Variants in FIGN observed in about 807,000 individuals in gnomAD.
FIGN encodes the protein fidgetin.
Under a neutral mutation model 51.3 loss-of-function variants are expected in FIGN, and 11 were observed. That is an observed-to-expected ratio of 0.21 (90% CI 0.13 to 0.35). The LOEUF (loss-of-function observed/expected upper bound fraction) is 0.35, where lower values mean the gene tolerates loss of function less well. FIGN is among the 10% of genes least tolerant of loss of function. The pLI is 1.00. For synonymous variants in FIGN, 407 were observed against 363.2 expected (o/e 1.12, Z -1.37); for missense variants, 857 against 943.6 (o/e 0.91, Z 1.20).
chr2:163,699,720 A>G lies in FIGN; in HGVS notation c.25+35183T>C, dbSNP rs148432157. Among the ~76,000 whole-genome samples the G allele has an allele frequency of 7.4e-4, 113 of 152,320 alleles. 1 individual carries two copies. The highest frequency in any genetic ancestry group is 2.5e-3 in the African/African-American group (102 of 41,578). On this transcript the variant is annotated intron_variant, in intron 2 of 2. Transcript: ENST00000333129. ...ACTAGCTTAAGAAAGGAATCTTAAT[A>G]GAATCTGTAGTGAATTTTTGAATAG...
At position 163,626,126 on chromosome 2, in the gene FIGN, C is replaced by G. The variant is rs1025886712; in HGVS notation, c.26-14320G>C. On this transcript the variant is annotated intron_variant, in intron 2 of 2. Transcript: ENST00000333129. ...ATAGGGCCATGAGAACCAAGACTGT[C>G]AAATTAATGACTTGTTTCATCTGAT... is the stretch of plus-strand genomic sequence containing the variant. Among the ~76,000 whole-genome samples, 33 of 152,112 alleles carry G rather than the reference C, an allele frequency of 2.2e-4. 1 individual carries two copies. The highest frequency in any genetic ancestry group is 8.0e-4 in the African/African-American group (33 of 41,438).
chr2:163,693,324 G>C (rs1684267065), intron 2 of FIGN, among the ~76,000 whole-genome samples: 3 of 152,134 alleles, frequency 2.0e-5, no homozygotes, highest in Non-Finnish European at 4.4e-5. Flanking sequence ...TGAGGAGCAA[G>C]GGGTTGGATC....
At chr2:163,683,233 C>T (rs935862240) in intron 2 of FIGN, among the ~76,000 whole-genome samples, 3 of 152,070 alleles carry the variant, frequency 2.0e-5, no homozygotes, top group Admixed American at 6.5e-5. Flanking sequence ...CTCTTCTACT[C>T]GTAAAGTGTT....
At chr2:163,689,079 A>C (rs1684198068) in intron 2 of FIGN, among the ~76,000 whole-genome samples, 1 of 151,866 alleles carries the variant, frequency 6.6e-6, no homozygotes, top group African/African-American at 2.4e-5. Flanking sequence ...TGCAACACTT[A>C]AGCCTAGGAG....
At chr2:163,727,335 T>C (rs923055632) in intron 2 of FIGN, among the ~76,000 whole-genome samples, 1 of 151,708 alleles carries the variant, frequency 6.6e-6, no homozygotes, top group Non-Finnish European at 1.5e-5. Context: ...AAAATGTGAA[T>C]TGTGGCTAAC....
At chr2:163,703,470 A>G (rs1684441487) in intron 2 of FIGN, among the ~76,000 whole-genome samples, 1 of 152,126 alleles carries the variant, frequency 6.6e-6, no homozygotes, top group South Asian at 2.1e-4. Context: ...TTCATTTTCT[A>G]TTTTAAAACG....
At chr2:163,628,869 G>T (rs1465167576) in intron 2 of FIGN, among the ~76,000 whole-genome samples, 1 of 152,164 alleles carries the variant, frequency 6.6e-6, no homozygotes, top group African/African-American at 2.4e-5. Context: ...TATATATGAT[G>T]AAGCAGCTTC....
intron 2 of FIGN, among the ~76,000 whole-genome samples, chr2:163,666,030 A>C (rs147401128): frequency 6.6e-6 from 1 of 152,112 alleles, no homozygotes; most frequent in Non-Finnish European, 1.5e-5. Context: ...AGCAATGAAC[A>C]CTCATTTTGT....
chr2:163,651,185 C>T (rs1471074730), intron 2 of FIGN, among the ~76,000 whole-genome samples: 5 of 152,250 alleles, frequency 3.3e-5, no homozygotes, highest in Admixed American at 2.6e-4. Flanking sequence ...ACTGATAGGC[C>T]GGGTGCGGTG....
At chr2:163,726,358 C>G (rs1432789612) in intron 2 of FIGN, among the ~76,000 whole-genome samples, 1 of 152,072 alleles carries the variant, frequency 6.6e-6, no homozygotes, top group Non-Finnish European at 1.5e-5. Flanking sequence ...AGACCCACAT[C>G]TTTTGTAAGT....
intron 2 of FIGN, among the ~76,000 whole-genome samples, chr2:163,637,448 A>G (rs2105314468): frequency 6.6e-6 from 1 of 152,350 alleles, no homozygotes; most frequent in African/African-American, 2.4e-5. Flanking sequence ...AAACATACTC[A>G]GTGCTGACTT....
intron 2 of FIGN, among the ~76,000 whole-genome samples, chr2:163,682,324 G>A (rs1477432578): frequency 6.6e-6 from 1 of 152,178 alleles, no homozygotes; most frequent in Non-Finnish European, 1.5e-5. Context: ...TTTGATTCTA[G>A]TGAGTTTTAA....
intron 2 of FIGN, among the ~76,000 whole-genome samples, chr2:163,727,640 T>A (rs535580931): frequency 6.6e-6 from 1 of 152,148 alleles, no homozygotes; most frequent in Non-Finnish European, 1.5e-5. Flanking sequence ...CCCCCCACTT[T>A]CACCCCAGTC....
chr2:163,612,694 G>A (rs1245091072), intron 2 of FIGN: 4 of 279,306 alleles, frequency 1.4e-5, no homozygotes, highest in Non-Finnish European at 2.1e-5. Context: ...AGGGGAGAAT[G>A]TGTGTGTGTG....
intron 2 of FIGN, among the ~76,000 whole-genome samples, chr2:163,623,018 C>T (rs1380279389): frequency 2.0e-5 from 3 of 152,224 alleles, no homozygotes; most frequent in South Asian, 2.1e-4. Context: ...CTAAGCAACA[C>T]GAAAACCCAA....
chr2:163,649,299 G>A (rs552192154), intron 2 of FIGN, among the ~76,000 whole-genome samples: 6 of 152,280 alleles, frequency 3.9e-5, no homozygotes, highest in East Asian at 1.9e-4. Context: ...CAGTGTGTCT[G>A]AGTCAGACCC....
At position 163,661,041 on chromosome 2, in the gene FIGN, GC is replaced by G. The variant is rs1559012799; in HGVS notation, c.26-49236del. Among the ~76,000 whole-genome samples, 11 of 145,528 alleles carry G rather than the reference GC, an allele frequency of 7.6e-5. No individual in the cohort carries two copies. The South Asian group carries it at 2.2e-3, about 29-fold the overall frequency. On this transcript the variant is annotated intron_variant, in intron 2 of 2. Transcript: ENST00000333129. ...TGGTATTACAGGCGCCCGCCACCAC[GC>G]CCAGCTAATTTTTGCATTTTTAGTA... is the stretch of plus-strand genomic sequence containing the variant.
chr2:163,732,940 G>A (rs1257361726), intron 2 of FIGN, among the ~76,000 whole-genome samples: 1 of 152,166 alleles, frequency 6.6e-6, no homozygotes, highest in Non-Finnish European at 1.5e-5. Flanking sequence ...CAGAGTGTGA[G>A]CACTTGCCCA....
In FIGN at chr2:163,651,268, C is replaced by G. The variant is rs111862392; in HGVS notation, c.26-39462G>C. On this transcript the variant is annotated intron_variant, in intron 2 of 2. Coordinates refer to ENST00000333129, the MANE Select transcript of FIGN (RefSeq NM_018086.4). ...ACGAGATCAGGAGATTGAGACTATC[C>G]TGGCTAACACGGTGAAACCCCGTCT... Among the ~76,000 whole-genome samples, 45 of 152,184 alleles carry G rather than the reference C, an allele frequency of 3.0e-4. 1 individual carries two copies. Among genetic ancestry groups the G allele is most frequent in the African/African-American group, 1.1e-3 (45 of 41,536 alleles).
Sources: allele counts gnomAD v4.1 joint callset (sites outside exome capture counted in the v4.1 genomes callset), GRCh38; gene constraint gnomAD v4.1.1; transcripts MANE v1.5; gene names NCBI Gene and HGNC (gene_info 2026-07-23, HGNC 2026-07-21).